Variants in RBFOX1 observed in about 807,000 individuals in gnomAD.
RBFOX1 encodes the protein RNA binding protein fox-1 homolog 1.
A neutral mutation model predicts 57.7 loss-of-function variants in RBFOX1; 8 were observed. The ratio of observed to expected loss-of-function variants is 0.14; its 90% confidence interval spans 0.08 to 0.25. RBFOX1 has a LOEUF of 0.25. RBFOX1 is among the 10% of genes least tolerant of loss of function. RBFOX1 has a pLI of 1.00. For synonymous variants in RBFOX1, 326 were observed against 222.4 expected (o/e 1.47, Z -4.15); for missense variants, 611 against 548.5 (o/e 1.11, Z -1.14).
chr16:6,221,848 C>T (rs5008168), intron 1 of RBFOX1, among the ~76,000 whole-genome samples: 142,711 of 152,224 alleles, frequency 0.94, 67,561 homozygotes, highest in East Asian at 1. Context: ...CCCCCATGAT[C>T]CAGTTTTCTC....
intron 1 of RBFOX1, among the ~76,000 whole-genome samples, chr16:5,292,981 C>G (rs1359876239): frequency 6.6e-6 from 1 of 151,926 alleles, no homozygotes; most frequent in East Asian, 1.9e-4. Flanking sequence ...CCCACTGTGA[C>G]TTGGGCAAAG....
In RBFOX1 at chr16:5,911,542, G is replaced by A. The variant is rs573538063; in HGVS notation, c.351+44207G>A. On this transcript the variant is annotated intron_variant, in intron 4 of 19. Coordinates refer to the RBFOX1 transcript ENST00000641259. The stretch of plus-strand genomic sequence containing the variant: ...CTGGTGTACGTTATGAGTCTTCAAC[G>A]CCTTGTTCGTGCACCATGCACTAAT... Among the ~76,000 whole-genome samples, 4 of 152,290 alleles carry A rather than the reference G, an allele frequency of 2.6e-5. No individual in the cohort carries two copies. The South Asian group carries it at 6.2e-4, about 24-fold the overall frequency.
chr16:6,094,876 A>C (rs369126401), intron 1 of RBFOX1, among the ~76,000 whole-genome samples: 3 of 152,212 alleles, frequency 2.0e-5, no homozygotes, highest in East Asian at 3.9e-4. Flanking sequence ...CCTGGCCAAC[A>C]TGATGAAACC....
chr16:6,699,208 T>C (rs994448226), intron 3 of RBFOX1, among the ~76,000 whole-genome samples: 1 of 152,164 alleles, frequency 6.6e-6, no homozygotes, highest in African/African-American at 2.4e-5. Context: ...AGGCAGCATA[T>C]GGACTACTGT....
intron 2 of RBFOX1, among the ~76,000 whole-genome samples, chr16:5,497,548 G>C (rs929655764): frequency 6.6e-6 from 1 of 150,806 alleles, no homozygotes; most frequent in African/African-American, 2.5e-5. Context: ...GGTGAGAGGC[G>C]GGTGAATCAC....
intron 3 of RBFOX1, among the ~76,000 whole-genome samples, chr16:5,697,721 A>G (rs1219171443): frequency 6.6e-6 from 1 of 151,570 alleles, no homozygotes; most frequent in Non-Finnish European, 1.5e-5. Context: ...TTTAGTAGAG[A>G]AGGGTTATCT....
At chr16:5,914,088 G>A (rs2058658235) in intron 4 of RBFOX1, among the ~76,000 whole-genome samples, 1 of 152,178 alleles carries the variant, frequency 6.6e-6, no homozygotes, top group African/African-American at 2.4e-5. Context: ...GAGATGTCTT[G>A]GGGACTTTCA....
chr16:7,376,104 T>C (rs1458510834), intron 4 of RBFOX1, among the ~76,000 whole-genome samples: 2 of 152,220 alleles, frequency 1.3e-5, no homozygotes, highest in African/African-American at 4.8e-5. Flanking sequence ...TAAGGCACTT[T>C]TCTAAAACAA....
intron 1 of RBFOX1, among the ~76,000 whole-genome samples, chr16:6,058,173 T>C (rs2095637839): frequency 6.6e-6 from 1 of 152,164 alleles, no homozygotes; most frequent in Admixed American, 6.5e-5. Flanking sequence ...AGTAACATGC[T>C]TCTTTATCAC....
At chr16:5,865,422 G>A (rs1049832572) in intron 3 of RBFOX1, among the ~76,000 whole-genome samples, 9 of 152,146 alleles carry the variant, frequency 5.9e-5, no homozygotes, top group East Asian at 3.9e-4. Context: ...GCTGGGCCCC[G>A]GATTCATGGC....
chr16:7,201,599 A>G (rs1275398856), intron 4 of RBFOX1, among the ~76,000 whole-genome samples: 1 of 151,952 alleles, frequency 6.6e-6, no homozygotes, highest in Non-Finnish European at 1.5e-5. Context: ...AGTGGCTGGG[A>G]TTACAGGTGT....
chr16:5,586,301 G>A, intron 2 of RBFOX1, among the ~76,000 whole-genome samples: 1 of 152,126 alleles, frequency 6.6e-6, no homozygotes, highest in Non-Finnish European at 1.5e-5. Context: ...GGTGGCAATT[G>A]CGTGACGGCA....
At chr16:5,582,824 G>A (rs1437517519) in intron 2 of RBFOX1, among the ~76,000 whole-genome samples, 2 of 152,118 alleles carry the variant, frequency 1.3e-5, no homozygotes, top group African/African-American at 4.8e-5. Context: ...AGTGCAGAAG[G>A]CAGAAGAGCC....
intron 10 of RBFOX1, among the ~76,000 whole-genome samples, chr16:7,611,493 C>T (rs1286371556): frequency 1.3e-5 from 2 of 151,660 alleles, no homozygotes; most frequent in East Asian, 2.0e-4. Context: ...GCAGAAGAAT[C>T]ACTTGAACCT....
chr16:7,659,695 C>T (rs1025728928), intron 12 of RBFOX1, among the ~76,000 whole-genome samples: 7 of 152,326 alleles, frequency 4.6e-5, no homozygotes, highest in South Asian at 4.1e-4. Context: ...ATATGGGCTG[C>T]GGTTTGGACA....
intron 4 of RBFOX1, among the ~76,000 whole-genome samples, chr16:7,332,300 A>G (rs117532553): frequency 1.2e-3 from 179 of 152,336 alleles, no homozygotes; most frequent in Non-Finnish European, 2.0e-3. Context: ...ATGAAATTAC[A>G]TAACACGTGT....
Position 7,595,657 on chromosome 16 carries a change from A to G in RBFOX1, c.561+16A>G. On this transcript the variant is annotated intron_variant, in intron 8 of 15. Transcript: ENST00000550418. ...TAAAATCGAGGTGCATGTTCAAAAT[A>G]TTTTCCTTTTCATCTTTTTTATAAA... is the stretch of plus-strand genomic sequence containing the variant. 2 of 1,555,324 alleles carry G rather than the reference A, an allele frequency of 1.3e-6. No homozygotes were observed. Among genetic ancestry groups the G allele is most frequent in the African/African-American group, 1.4e-5 (1 of 73,502 alleles).
chr16:6,986,738 C>G (rs1380939264), intron 3 of RBFOX1, among the ~76,000 whole-genome samples: 1 of 151,946 alleles, frequency 6.6e-6, no homozygotes, highest in African/African-American at 2.4e-5. Flanking sequence ...CTTTTCGTGA[C>G]AAGAAAGAAG....
rs528702730 is a variant in RBFOX1 at position 7,685,619 on chromosome 16, C to G, written c.995+8781C>G. On this transcript the variant is annotated intron_variant, in intron 14 of 15. Transcript: ENST00000550418. ...GAGGTGGTGCAAATGTTATCAATAA[C>G]TCGGTTTCAGATTGACATATTTTGG... Among the ~76,000 whole-genome samples the G allele has an allele frequency of 2.0e-5, 3 of 152,180 alleles. No individual in the cohort carries two copies. The South Asian group carries it at 6.2e-4, about 32-fold the overall frequency.
Sources: allele counts gnomAD v4.1 joint callset (sites outside exome capture counted in the v4.1 genomes callset), GRCh38; gene constraint gnomAD v4.1.1; transcripts MANE v1.5; gene names NCBI Gene and HGNC (gene_info 2026-07-23, HGNC 2026-07-21).